Variants in SAMSN1 observed in about 807,000 individuals in gnomAD.
The protein encoded by SAMSN1 is SAM domain-containing protein SAMSN-1.
Under a neutral mutation model 42.0 loss-of-function variants are expected in SAMSN1, and 31 were observed. That is an observed-to-expected ratio of 0.74 (90% CI 0.55 to 1.00). The LOEUF (loss-of-function observed/expected upper bound fraction) is 1.00, where lower values mean the gene tolerates loss of function less well. Among genes scored for constraint, SAMSN1 ranks in the 50% least tolerant of loss-of-function variants. SAMSN1 has a pLI of 0.00. For missense variants in SAMSN1, 464 were observed against 439.4 expected, an observed-to-expected ratio of 1.06 and a Z score of -0.50; for synonymous variants, 178 against 151.9, an observed-to-expected ratio of 1.17 and a Z score of -1.26.
rs140766611 is a variant in SAMSN1, at chr21:14,542,998, G to A, written c.57+3207C>T. Among the ~76,000 whole-genome samples, 747 of 152,236 alleles carry A rather than the reference G, an allele frequency of 4.9e-3. 6 individuals carry two copies. Among genetic ancestry groups the A allele is most frequent in the African/African-American group, 0.016 (655 of 41,532 alleles). ...GAATAAAGATAACAGTACCTTGCAT[G>A]TATGTTAAGCAAGCCTATTTTTAAC... On this transcript the variant is annotated intron_variant, in intron 1 of 7. Transcript: ENST00000400566.
intron 7 of SAMSN1, among the ~76,000 whole-genome samples, chr21:14,492,033 G>C (rs1189387015): frequency 6.6e-6 from 1 of 151,634 alleles, no homozygotes; most frequent in East Asian, 1.9e-4. Context: ...TCATTGTTTG[G>C]GTATATCTTA....
chr21:14,650,109 C>T (rs1983806570), intron 1 of SAMSN1, among the ~76,000 whole-genome samples: 2 of 151,992 alleles, frequency 1.3e-5, no homozygotes. Flanking sequence ...CTTTAACATC[C>T]CATTTTCAGC....
Position 14,498,578 on chromosome 21 carries a change from T to G in SAMSN1, c.783A>C (p.Thr261=). ...GAGTCTCATAACCATTGAGCAAAAG[T>G]GTTGAGGTGTATTCCTGTAAGACAA... ...ERIHLQEYTS[T]LLLNGYETLE... Residue 261 remains threonine, a synonymous_variant, in exon 7 of 8, where the codon ACA becomes ACC. Coordinates refer to ENST00000400566, the MANE Select transcript of SAMSN1 (RefSeq NM_022136.5). 6.3e-7 allele frequency: 1 copy of G among 1,588,144 alleles called. No individual in the cohort carries two copies. Among genetic ancestry groups the G allele is most frequent in the Non-Finnish European group, 8.5e-7 (1 of 1,172,578 alleles).
At chr21:14,627,083 C>T (rs976202308) in intron 2 of SAMSN1, among the ~76,000 whole-genome samples, 4 of 151,894 alleles carry the variant, frequency 2.6e-5, no homozygotes, top group African/African-American at 9.7e-5. Context: ...ACAATGAGAA[C>T]ACATGGACAC....
chr21:14,610,181 A>G (rs1383973694), intron 4 of SAMSN1, among the ~76,000 whole-genome samples: 11 of 152,216 alleles, frequency 7.2e-5, no homozygotes, highest in Admixed American at 7.2e-4. Flanking sequence ...AAAAATGGAT[A>G]AGAGAAATAT....
chr21:14,659,306 C>G (rs1006142828), upstream of SAMSN1, among the ~76,000 whole-genome samples: 1 of 151,868 alleles, frequency 6.6e-6, no homozygotes, highest in African/African-American at 2.4e-5. Flanking sequence ...TAAAATGTAC[C>G]ACTTTAACCA....
intron 2 of SAMSN1, among the ~76,000 whole-genome samples, chr21:14,557,018 G>T (rs531288688): frequency 2.3e-4 from 35 of 152,252 alleles, no homozygotes; most frequent in Admixed American, 3.9e-4. Flanking sequence ...AAAGAAATCA[G>T]ATTTCTTGTT....
chr21:14,625,360 A>G (rs1983138411), intron 2 of SAMSN1, among the ~76,000 whole-genome samples: 1 of 152,218 alleles, frequency 6.6e-6, no homozygotes, highest in Non-Finnish European at 1.5e-5. Context: ...AGATGACATG[A>G]TTGTATATTT....
At chr21:14,632,209 C>G (rs1983348682) in intron 2 of SAMSN1, among the ~76,000 whole-genome samples, 1 of 151,714 alleles carries the variant, frequency 6.6e-6, no homozygotes, top group East Asian at 1.9e-4. Flanking sequence ...ATAGAAGCAG[C>G]AGCAATCTTT....
At chr21:14,579,296 G>A (rs764211790) in intron 2 of SAMSN1, among the ~76,000 whole-genome samples, 1 of 152,164 alleles carries the variant, frequency 6.6e-6, no homozygotes, top group Non-Finnish European at 1.5e-5. Context: ...CTGTAGATAT[G>A]TTTGACCTTC....
chr21:14,486,879 A>T (rs1276818424), intron 7 of SAMSN1, among the ~76,000 whole-genome samples: 1 of 152,146 alleles, frequency 6.6e-6, no homozygotes, highest in Non-Finnish European at 1.5e-5. Flanking sequence ...CTTTTAGAAA[A>T]AGATTACTAT....
At chr21:14,499,624 T>G (rs1987058953) in intron 6 of SAMSN1, among the ~76,000 whole-genome samples, 1 of 152,124 alleles carries the variant, frequency 6.6e-6, no homozygotes, top group South Asian at 2.1e-4. Context: ...TAACTGTGCA[T>G]TCTTGGGGAA....
intron 1 of SAMSN1, among the ~76,000 whole-genome samples, chr21:14,650,431 G>T (rs1983812791): frequency 6.6e-6 from 1 of 152,110 alleles, no homozygotes; most frequent in South Asian, 2.1e-4. Flanking sequence ...GCTCCTGAGT[G>T]ACCAGTGGTC....
At chr21:14,566,603 T>C (rs1275808460) in intron 2 of SAMSN1, among the ~76,000 whole-genome samples, 1 of 152,096 alleles carries the variant, frequency 6.6e-6, no homozygotes, top group Non-Finnish European at 1.5e-5. Context: ...AGTGGTATGA[T>C]TTTGGCTCAC....
At chr21:14,639,842 TA>T (rs1412256341) in intron 2 of SAMSN1, among the ~76,000 whole-genome samples, 1 of 152,196 alleles carries the variant, frequency 6.6e-6, no homozygotes, top group African/African-American at 2.4e-5. Flanking sequence ...CCTTTCCTAA[TA>T]TACTGCAAGT....
At position 14,507,894 on chromosome 21, in the gene SAMSN1, T is replaced by A. The variant is rs184622128; in HGVS notation, c.561+2416A>T. Among the ~76,000 whole-genome samples, 436 of 145,532 alleles carry A rather than the reference T, an allele frequency of 3.0e-3. 2 individuals carry two copies. The Middle Eastern group carries it at 0.043, about 14-fold the overall frequency. ...TGGAACAGAAAAGAGAACCCAGAAA[T>A]AAATCCACATACTTAACGGCCAACT... On this transcript the variant is annotated intron_variant, in intron 5 of 7. Coordinates refer to ENST00000400566, the MANE Select transcript of SAMSN1 (RefSeq NM_022136.5).
At chr21:14,608,751 A>T (rs1982627824) in intron 5 of SAMSN1, among the ~76,000 whole-genome samples, 2 of 152,124 alleles carry the variant, frequency 1.3e-5, no homozygotes, top group Middle Eastern at 3.4e-3. Flanking sequence ...CACTAGGCAA[A>T]CTCCTAAGGT....
At chr21:14,526,461 T>C (rs1978865806) in intron 1 of SAMSN1, among the ~76,000 whole-genome samples, 1 of 152,220 alleles carries the variant, frequency 6.6e-6, no homozygotes, top group Admixed American at 6.5e-5. Flanking sequence ...TATGTGTGTT[T>C]CTATGCAATC....
chr21:14,486,211 C>T (rs1171822669), intron 7 of SAMSN1, 97 bp from the exon 8 acceptor site: 6 of 781,690 alleles, frequency 7.7e-6, no homozygotes, highest in African/African-American at 3.5e-5. Flanking sequence ...TTTAACTGTT[C>T]TAACCATGAC....
Sources: gnomAD v4.1 joint callset for allele counts (sites outside exome capture counted in the v4.1 genomes callset) on GRCh38, gnomAD v4.1.1 for gene constraint, MANE v1.5 for transcripts, NCBI Gene and HGNC (gene_info 2026-07-23, HGNC 2026-07-21) for gene names.